SARDH: variants seen among roughly 807,000 people sequenced by gnomAD.
The protein encoded by SARDH is sarcosine dehydrogenase.
In SARDH, 95 loss-of-function variants were observed where a neutral mutation model predicts 109.1. The observed-to-expected ratio is 0.87, with a 90% CI of 0.74 to 1.03. The LOEUF is 1.03. Among genes scored for constraint, SARDH ranks in the 50% least tolerant of loss-of-function variants. SARDH has a pLI of 0.00. For missense variants in SARDH, 1,267 were observed against 1,287.8 expected, an observed-to-expected ratio of 0.98 and a Z score of 0.25; for synonymous variants, 572 against 534.8, an observed-to-expected ratio of 1.07 and a Z score of -0.96.
intron 17 of SARDH, among the ~76,000 whole-genome samples, chr9:133,684,453 C>T (rs922403177): frequency 1.3e-5 from 2 of 152,242 alleles, no homozygotes; most frequent in African/African-American, 4.8e-5. Flanking sequence ...CTGTGTTTAC[C>T]ATCCTCATCT....
chr9:133,695,316 G>A (rs555884981), intron 14 of SARDH, among the ~76,000 whole-genome samples: 18 of 152,264 alleles, frequency 1.2e-4, no homozygotes, highest in South Asian at 4.2e-4. Context: ...GGTGGTGTGC[G>A]CCTGTAATCC....
chr9:133,708,453 A>G (rs374808823), intron 10 of SARDH, 25 bp from the exon 11 acceptor site: 8 of 1,596,296 alleles, frequency 5.0e-6, no homozygotes, highest in Non-Finnish European at 6.8e-6. Context: ...GGGACGGGTC[A>G]CTGCTTTGGG....
In SARDH at chr9:133,718,922, G is replaced by C. The variant is rs561402059; in HGVS notation, c.1020+16C>G. On this transcript the variant is annotated intron_variant, in intron 7 of 20. Coordinates refer to ENST00000439388, the MANE Select transcript of SARDH (RefSeq NM_001134707.2). This position sits in a 1 kb window ranked among gnomAD's most constrained non-coding sequence, Gnocchi z 4.2. Reference sequence around the variant, plus strand: ...CCCCAACTCCCTCCCATTATCCCAGGGCCCTGGCATCTTACCTCCTCCCAA... The same window carrying C: ...CCCCAACTCCCTCCCATTATCCCAGCGCCCTGGCATCTTACCTCCTCCCAA... The C allele has an allele frequency of 1.3e-6, 2 of 1,588,590 alleles. No homozygotes were observed. The highest frequency in any genetic ancestry group is 3.3e-5 in the Admixed American group (2 of 59,946).
At chr9:133,683,808 C>A (rs1830783502) in intron 17 of SARDH, among the ~76,000 whole-genome samples, 1 of 152,252 alleles carries the variant, frequency 6.6e-6, no homozygotes, top group Non-Finnish European at 1.5e-5. Context: ...TCCTCCCCAA[C>A]CTTCCTTAGC....
At position 133,696,295 on chromosome 9, in the gene SARDH, A is replaced by C; in HGVS notation, c.1735T>G (p.Phe579Val). 6.2e-7 allele frequency: 1 copy of C among 1,614,140 alleles called. No homozygotes were observed. Among genetic ancestry groups the C allele is most frequent in the Middle Eastern group, 1.6e-4 (1 of 6,062 alleles). ...AVFDMSYFGK[F>V]YLVGLDARKA... ...CTTGCATCCAGCCCCACCAGGTAGAACTTCCCGAAGTAGGACATGTCAAAC... is the reference window on the plus strand; with the variant it reads ...CTTGCATCCAGCCCCACCAGGTAGACCTTCCCGAAGTAGGACATGTCAAAC... The change falls in exon 14 of 21, where the codon TTC becomes GTC. Residue 579 changes from phenylalanine to valine, a missense_variant. By Grantham distance (50) the Phe-to-Val change is conservative. Transcript: ENST00000439388.
rs199898114 is a variant in SARDH, at chr9:133,702,886, G to A, written c.1668+30C>T. ...TTATCTGAGGGACAGGCAGAAGGAC[G>A]GACCCCCACGGTGGACCCCAGCTAC... On this transcript the variant is annotated intron_variant, in intron 13 of 20. Coordinates refer to ENST00000439388, the MANE Select transcript of SARDH (RefSeq NM_001134707.2). 3.1e-6 allele frequency: 5 copies of A among 1,595,342 alleles called. No individual in the cohort carries two copies. In the Admixed American group the frequency reaches 5.0e-5, roughly 16 times the overall value.
chr9:133,661,349 A>AT (rs1832411155), downstream of SARDH, among the ~76,000 whole-genome samples: 2 of 143,538 alleles, frequency 1.4e-5, no homozygotes, highest in African/African-American at 5.7e-5. Flanking sequence ...CAAAAAAAAA[A>AT]CAACAACAAC....
At chr9:133,673,728 T>C (rs1830426910) in intron 17 of SARDH, among the ~76,000 whole-genome samples, 1 of 152,280 alleles carries the variant, frequency 6.6e-6, no homozygotes, top group Admixed American at 6.5e-5. Context: ...AACGGGGTTC[T>C]AATTTTAGAT....
intron 17 of SARDH, among the ~76,000 whole-genome samples, chr9:133,680,137 GTGTC>G (rs1830647131): frequency 6.6e-6 from 1 of 152,266 alleles, no homozygotes; most frequent in Non-Finnish European, 1.5e-5. Flanking sequence ...AGAATCCAGA[GTGTC>G]TGGACAGACT....
At chr9:133,690,762 C>T (rs1023808605) in intron 15 of SARDH, among the ~76,000 whole-genome samples, 1 of 152,144 alleles carries the variant, frequency 6.6e-6, no homozygotes, top group African/African-American at 2.4e-5. Context: ...ACCCCTACCA[C>T]CCACCCCTCT....
chr9:133,712,702 C>A lies in SARDH; in HGVS notation c.1245G>T (p.Met415Ile). ...LGCGFNSAGM[M>I]LGGGCGQELA... ...GCTCCTGCCCACAGCCACCACCCAGCATCATTCCTGGCAGGAAGAGAAGCG... is the reference window on the plus strand; with the variant it reads ...GCTCCTGCCCACAGCCACCACCCAGAATCATTCCTGGCAGGAAGAGAAGCG... The change falls in exon 10 of 21, where the codon ATG becomes ATT. Residue 415 changes from methionine (M) to isoleucine (I), a missense_variant. By Grantham distance (10) the Met-to-Ile change is conservative. Coordinates refer to ENST00000439388, the MANE Select transcript of SARDH (RefSeq NM_001134707.2). The surrounding 1 kb of genome is among the most constrained non-coding windows in gnomAD (Gnocchi z 4.1). 1 of 1,608,860 alleles carries A rather than the reference C, an allele frequency of 6.2e-7. No homozygotes were observed. The highest frequency in any genetic ancestry group is 8.5e-7 in the Non-Finnish European group (1 of 1,179,942).
At chr9:133,667,036 GCACCTGGCCT>G in intron 19 of SARDH, 166 bp from the exon 20 acceptor site, 1 of 849,266 alleles carries the variant, frequency 1.2e-6, no homozygotes, top group South Asian at 1.5e-5. Flanking sequence ...AGCCAGCCCA[GCACCTGGCCT>G]GGACAGCAGG....
intron 3 of SARDH, among the ~76,000 whole-genome samples, chr9:133,731,708 G>A (rs1324600929): frequency 1.3e-5 from 2 of 152,216 alleles, no homozygotes; most frequent in African/African-American, 2.4e-5. Flanking sequence ...GTGCCAATCC[G>A]ACCCTCGCCA....
intron 18 of SARDH, 21 bp from the exon 19 acceptor site, chr9:133,670,773 G>A: frequency 6.4e-7 from 1 of 1,550,824 alleles, no homozygotes; most frequent in South Asian, 1.2e-5. Flanking sequence ...GGAATCCATG[G>A]GGTCGGTGCC....
intron 19 of SARDH, among the ~76,000 whole-genome samples, chr9:133,669,728 C>A (rs913992136): frequency 2.0e-5 from 3 of 152,216 alleles, no homozygotes; most frequent in Admixed American, 6.5e-5. Flanking sequence ...TGCTCCTTGG[C>A]ACCATGTGGT....
intron 8 of SARDH, among the ~76,000 whole-genome samples, chr9:133,715,670 T>C (rs1265821916): frequency 6.6e-6 from 1 of 152,116 alleles, no homozygotes; most frequent in Non-Finnish European, 1.5e-5. Context: ...AGGGCCCTCA[T>C]CCGCTCCCTG....
At position 133,702,957 on chromosome 9, in the gene SARDH, C is replaced by G; in HGVS notation, c.1627G>C (p.Ala543Pro). The G allele has an allele frequency of 6.2e-7, 1 of 1,613,306 alleles. No individual in the cohort carries two copies. The highest frequency in any genetic ancestry group is 8.5e-7 in the Non-Finnish European group (1 of 1,179,998). The change falls in exon 13 of 21, where the codon GCA becomes CCA. Residue 543 changes from alanine to proline, a missense_variant. Physicochemically the swap from Ala to Pro is conservative, Grantham distance 27. Transcript: ENST00000439388. ...GGGAAGGCGAAGGTGTACTCGTCTG[C>G]CAGCAGCCTGCGGTAGGCGTAGTCC... ...HEDYAYRRLL[A>P]DEYTFAFPPH... is the part of the protein sequence containing the mutation.
At chr9:133,719,501 T>C (rs1268361748) in intron 6 of SARDH, among the ~76,000 whole-genome samples, 1 of 152,026 alleles carries the variant, frequency 6.6e-6, no homozygotes, top group Non-Finnish European at 1.5e-5. Context: ...TCCTGCCTCC[T>C]CTTGAATCTT....
chr9:133,702,896 G>T lies in SARDH; in HGVS notation c.1668+20C>A. The T allele has an allele frequency of 2.5e-6, 4 of 1,606,064 alleles. No individual in the cohort carries two copies. Among genetic ancestry groups the T allele is most frequent in the Non-Finnish European group, 3.4e-6 (4 of 1,176,806 alleles). On this transcript the variant is annotated intron_variant, in intron 13 of 20. Transcript: ENST00000439388. ...GACAGGCAGAAGGACGGACCCCCAC[G>T]GTGGACCCCAGCTACGCACCGTGTC...
Sources: allele counts gnomAD v4.1 joint callset (sites outside exome capture counted in the v4.1 genomes callset), GRCh38; gene constraint gnomAD v4.1.1; non-coding constraint Gnocchi (gnomAD v3.1); transcripts MANE v1.5; gene names NCBI Gene and HGNC (gene_info 2026-07-23, HGNC 2026-07-21).